Variants in RAB3C observed in about 807,000 individuals in gnomAD.
RAB3C encodes RAB3C, member RAS oncogene family, also known as ras-related protein Rab-3C.
Under a neutral mutation model 26.4 loss-of-function variants are expected in RAB3C, and 17 were observed. That is an observed-to-expected ratio of 0.64 (90% CI 0.44 to 0.97). The LOEUF (loss-of-function observed/expected upper bound fraction) is 0.97. Ranked by LOEUF, RAB3C falls within the 50% of genes least tolerant of loss-of-function variation. The pLI is 0.00. For missense variants in RAB3C, 242 were observed against 281.9 expected, an observed-to-expected ratio of 0.86 and a Z score of 1.01; for synonymous variants, 91 against 95.9, an observed-to-expected ratio of 0.95 and a Z score of 0.30.
chr5:58,604,112 C>G (rs181787916), intron 1 of RAB3C, among the ~76,000 whole-genome samples: 91 of 152,330 alleles, frequency 6.0e-4, no homozygotes, highest in Non-Finnish European at 7.3e-5. Context: ...GTCTACCTGG[C>G]TCCAGCCTGG....
At chr5:58,833,692 G>C (rs1229130188) in intron 4 of RAB3C, among the ~76,000 whole-genome samples, 1 of 152,328 alleles carries the variant, frequency 6.6e-6, no homozygotes, top group African/African-American at 2.4e-5. Flanking sequence ...AGAGAGTCAG[G>C]ATAGTGGAGA....
intron 2 of RAB3C, among the ~76,000 whole-genome samples, chr5:58,721,920 A>G (rs2111913805): frequency 6.6e-6 from 1 of 151,580 alleles, no homozygotes; most frequent in African/African-American, 2.4e-5. Context: ...CTTACGTACT[A>G]TCTGAAAGCT....
chr5:58,648,927 T>A (rs906664824), intron 2 of RAB3C, among the ~76,000 whole-genome samples: 2 of 152,176 alleles, frequency 1.3e-5, no homozygotes, highest in African/African-American at 4.8e-5. Flanking sequence ...TTCATCATCC[T>A]GTAGCTTCAA....
chr5:58,757,698 C>T (rs918880510), intron 3 of RAB3C, among the ~76,000 whole-genome samples: 2 of 152,120 alleles, frequency 1.3e-5, no homozygotes, highest in African/African-American at 4.8e-5. Flanking sequence ...TTTTCCCCTG[C>T]AACTAATAAA....
In RAB3C at chr5:58,672,271, C is replaced by T. The variant is rs556040734; in HGVS notation, c.253-53731C>T. Among the ~76,000 whole-genome samples, 85 of 152,210 alleles carry T rather than the reference C, an allele frequency of 5.6e-4. No homozygotes were observed. The South Asian group carries it at 6.2e-3, about 11-fold the overall frequency. ...CACTAAGCAAGGGGCACAGGTGATC[C>T]CCTGGGGTTAGACAAACACGGGAAC... On this transcript the variant is annotated intron_variant, in intron 2 of 4. Transcript: ENST00000282878.
intron 3 of RAB3C, among the ~76,000 whole-genome samples, chr5:58,787,145 A>T (rs1431961142): frequency 6.6e-5 from 10 of 152,192 alleles, no homozygotes. Context: ...CGGATGATAC[A>T]CACCTGCCCC....
intron 2 of RAB3C, among the ~76,000 whole-genome samples, chr5:58,720,016 G>A (rs370631101): frequency 1.3e-5 from 2 of 151,906 alleles, no homozygotes; most frequent in East Asian, 1.9e-4. Flanking sequence ...AGGTTCTGGG[G>A]TGAGGAATTC....
intron 1 of RAB3C, among the ~76,000 whole-genome samples, chr5:58,598,902 T>C (rs1006101695): frequency 6.6e-6 from 1 of 152,042 alleles, no homozygotes; most frequent in Non-Finnish European, 1.5e-5. Flanking sequence ...GAGAATAGCA[T>C]TGGTGGGAAT....
intron 2 of RAB3C, among the ~76,000 whole-genome samples, chr5:58,646,880 A>G (rs569472798): frequency 4.6e-5 from 7 of 151,902 alleles, no homozygotes; most frequent in Admixed American, 1.3e-4. Context: ...GCCCCTTGGC[A>G]CCTTCTGCTG....
At chr5:58,740,260 G>A (rs1266030314) in intron 3 of RAB3C, among the ~76,000 whole-genome samples, 1 of 152,188 alleles carries the variant, frequency 6.6e-6, no homozygotes, top group Non-Finnish European at 1.5e-5. Context: ...CCTCACGCCT[G>A]GGCCTGAATG....
At chr5:58,601,516 CT>C (rs1361909495) in intron 1 of RAB3C, among the ~76,000 whole-genome samples, 1 of 152,066 alleles carries the variant, frequency 6.6e-6, no homozygotes, top group Non-Finnish European at 1.5e-5. Flanking sequence ...CCATTTCAAT[CT>C]CACTGCTTGT....
intron 1 of RAB3C, among the ~76,000 whole-genome samples, chr5:58,599,402 C>T (rs747658580): frequency 6.6e-6 from 1 of 152,118 alleles, no homozygotes; most frequent in Non-Finnish European, 1.5e-5. Context: ...TCCTGAGCTT[C>T]AGGACCATAT....
At chr5:58,699,900 C>A (rs527598748) in intron 2 of RAB3C, among the ~76,000 whole-genome samples, 4 of 152,182 alleles carry the variant, frequency 2.6e-5, no homozygotes, top group African/African-American at 9.7e-5. Context: ...AAGGGAAATC[C>A]CCTGACCCCG....
intron 2 of RAB3C, among the ~76,000 whole-genome samples, chr5:58,666,589 C>T (rs538473147): frequency 6.6e-6 from 1 of 152,320 alleles, no homozygotes; most frequent in African/African-American, 2.4e-5. Context: ...AGCTCCCAAA[C>T]AATGGTGGTT....
At chr5:58,587,286 A>G (rs1356722875) in intron 1 of RAB3C, among the ~76,000 whole-genome samples, 1 of 152,270 alleles carries the variant, frequency 6.6e-6, no homozygotes, top group East Asian at 1.9e-4. Context: ...AAGGAAATAT[A>G]TGTTTATGCT....
At chr5:58,624,418 T>G (rs1055815199) in intron 2 of RAB3C, among the ~76,000 whole-genome samples, 1 of 152,198 alleles carries the variant, frequency 6.6e-6, no homozygotes, top group Non-Finnish European at 1.5e-5. Context: ...ATTTTGCCCC[T>G]GTTTGAGCAG....
At chr5:58,779,357 G>T (rs1393255613) in intron 3 of RAB3C, among the ~76,000 whole-genome samples, 2 of 147,920 alleles carry the variant, frequency 1.4e-5, no homozygotes, top group East Asian at 3.9e-4. Context: ...TATAAAATAT[G>T]ATTTATATAT....
chr5:58,699,048 C>A (rs1304364827), intron 2 of RAB3C, among the ~76,000 whole-genome samples: 2 of 152,172 alleles, frequency 1.3e-5, no homozygotes, highest in East Asian at 3.9e-4. Context: ...TCTGGTTTTT[C>A]CCCATCTTTG....
Position 58,612,514 on chromosome 5 carries a change from GTGTGTGTATATATA to G in RAB3C, c.25-5127_25-5114del, listed in dbSNP as rs1158219735. 4.3e-3 allele frequency among the ~76,000 whole-genome samples: 233 copies of G among 54,072 alleles called. 3 individuals carry two copies. The highest frequency in any genetic ancestry group is 0.042 in the Admixed American group (187 of 4,506). The allele number at this position is 54,072 out of a possible 152,430, so 35.5% of individuals were successfully genotyped here. On this transcript the variant is annotated intron_variant, in intron 1 of 4. Transcript: ENST00000282878. ...TGTGTGTGTGTGTGTGTGTGTGTGT[GTGTGTGTATATATA>G]TATATATATATATATATATGTATAT...
Sources: allele counts gnomAD v4.1 joint callset (sites outside exome capture counted in the v4.1 genomes callset), GRCh38; gene constraint gnomAD v4.1.1; transcripts MANE v1.5; gene names NCBI Gene and HGNC (gene_info 2026-07-23, HGNC 2026-07-21).